The following SLTM variants were observed in gnomAD, a reference collection of about 807,000 sequenced individuals.
SLTM encodes SAFB-like transcription modulator.
Under a neutral mutation model 134.6 loss-of-function variants are expected in SLTM, and 43 were observed. That is an observed-to-expected ratio of 0.32 (90% CI 0.25 to 0.41). The LOEUF (loss-of-function observed/expected upper bound fraction) is 0.41, where lower values mean the gene tolerates loss of function less well. Ranked by LOEUF, SLTM falls within the 10% of genes least tolerant of loss-of-function variation. The pLI is 1.00. For synonymous variants in SLTM, 424 were observed against 432.3 expected (o/e 0.98, Z 0.24); for missense variants, 1,055 against 1,288.8 (o/e 0.82, Z 2.78).
intron 19 of SLTM, among the ~76,000 whole-genome samples, chr15:58,885,638 G>C (rs1248701247): frequency 6.6e-6 from 1 of 152,072 alleles, no homozygotes; most frequent in Non-Finnish European, 1.5e-5. Flanking sequence ...ACAAAAATTA[G>C]CCAGGCGTGG....
intron 2 of SLTM, among the ~76,000 whole-genome samples, chr15:58,919,455 C>G (rs933910358): frequency 2.0e-5 from 3 of 152,026 alleles, no homozygotes; most frequent in Admixed American, 2.0e-4. Flanking sequence ...TTAAACACAG[C>G]TGGGTGTCGC....
chr15:58,894,562 A>G lies in SLTM; in HGVS notation c.1248T>C (p.Val416=), dbSNP rs1297601347. The change falls in exon 10 of 21, where the codon GTT becomes GTC. Residue 416 remains valine, a synonymous_variant. Transcript: ENST00000380516. ...KYGKVLSAKV[V]TNARSPGAKC... is the part of the protein sequence containing the mutation. ...TTGCCCCAGGACTTCGAGCATTTGT[A>G]ACTACTTTTGCACTCAGAACCTATA... is the stretch of plus-strand genomic sequence containing the variant. 9.9e-6 allele frequency: 16 copies of G among 1,614,006 alleles called. No individual in the cohort carries two copies. The Admixed American group carries it at 2.7e-4, about 27-fold the overall frequency.
At chr15:58,915,605 A>C (rs2036579036) in intron 3 of SLTM, among the ~76,000 whole-genome samples, 1 of 152,222 alleles carries the variant, frequency 6.6e-6, no homozygotes, top group Admixed American at 6.5e-5. Context: ...GATTACAGGC[A>C]TGCAATCATC....
At chr15:58,915,296 CT>C (rs2036555231) in intron 3 of SLTM, among the ~76,000 whole-genome samples, 2 of 152,156 alleles carry the variant, frequency 1.3e-5, no homozygotes, top group African/African-American at 4.8e-5. Context: ...CAAAAGCATC[CT>C]TTGTGGCACA....
intron 2 of SLTM, among the ~76,000 whole-genome samples, chr15:58,920,722 G>A (rs1308225789): frequency 1.3e-5 from 2 of 150,926 alleles, no homozygotes; most frequent in Admixed American, 6.6e-5. Context: ...TTGGGAGGCA[G>A]AGGTGGGCAG....
Position 58,887,219 on chromosome 15 carries a change from C to A in SLTM, c.2690+7G>T. On this transcript the variant is annotated splice_region_variant and intron_variant, in intron 18 of 20. Transcript: ENST00000380516. ...CACTAGGAAAGCATTACATAGTACA[C>A]AGCTACCTTGTTTCCCGTTTGTCAG... 1 of 1,613,428 alleles carries A rather than the reference C, an allele frequency of 6.2e-7. No individual in the cohort carries two copies. Among genetic ancestry groups the A allele is most frequent in the Admixed American group, 1.7e-5 (1 of 59,976 alleles).
At position 58,883,623 on chromosome 15, in the gene SLTM, T is replaced by TAC; in HGVS notation, c.2996+1_2996+2dup. The TAC allele has an allele frequency of 6.2e-7, 1 of 1,613,962 alleles. No homozygotes were observed. The highest frequency in any genetic ancestry group is 8.5e-7 in the Non-Finnish European group (1 of 1,179,922). On this transcript the variant is annotated splice_region_variant and intron_variant, in intron 20 of 20. Coordinates refer to ENST00000380516, the MANE Select transcript of SLTM (RefSeq NM_024755.4). ...CTGGCAGAAAAACTGGTTAGTTATT[T>TAC]ACCTTGAATGTTGGGTTATCATGCC...
chr15:58,906,396 G>C (rs1184934232), intron 5 of SLTM, among the ~76,000 whole-genome samples: 1 of 152,108 alleles, frequency 6.6e-6, no homozygotes, highest in Non-Finnish European at 1.5e-5. Flanking sequence ...TCTTCACAGT[G>C]GGATGTGCAA....
chr15:58,930,164 G>C (rs1465693218), intron 2 of SLTM, among the ~76,000 whole-genome samples: 2 of 151,958 alleles, frequency 1.3e-5, no homozygotes, highest in Non-Finnish European at 2.9e-5. Context: ...GACTGCAGTG[G>C]AGTGACCTTA....
chr15:58,906,226 A>ATT (rs1223095821), intron 5 of SLTM, among the ~76,000 whole-genome samples: 2 of 152,120 alleles, frequency 1.3e-5, no homozygotes, highest in African/African-American at 4.8e-5. Context: ...CTGAAAACAG[A>ATT]TTTTTTTTCC....
intron 20 of SLTM, among the ~76,000 whole-genome samples, chr15:58,883,293 C>A (rs566649117): frequency 6.6e-6 from 1 of 152,248 alleles, no homozygotes; most frequent in Admixed American, 6.5e-5. Flanking sequence ...CCAGCATGGG[C>A]GACAGAGTGA....
intron 5 of SLTM, among the ~76,000 whole-genome samples, chr15:58,903,545 G>T (rs959235363): frequency 2.2e-5 from 3 of 133,804 alleles, no homozygotes; most frequent in African/African-American, 8.2e-5. Context: ...TGCATCTGAC[G>T]GGGAGGGGGG....
Position 58,913,559 on chromosome 15 carries a change from A to G in SLTM, c.453T>C (p.Ala151=). 1 of 1,613,250 alleles carries G rather than the reference A, an allele frequency of 6.2e-7. No homozygotes were observed. Among genetic ancestry groups the G allele is most frequent in the Non-Finnish European group, 8.5e-7 (1 of 1,179,830 alleles). ...ELLSAEENKR[A]HELIEAEGIE... ...TTCCTTCTGCCTCTATTAATTCATG[A>G]GCTCTCTTGTTTTCTTCTGCAGAGA... Residue 151 remains alanine (A), a synonymous_variant, in exon 4 of 21, where the codon GCT becomes GCC. Transcript: ENST00000380516.
At position 58,895,810 on chromosome 15, in the gene SLTM, A is replaced by C. The variant is rs144650105; in HGVS notation, c.1228-1228T>G. ...TCTCAGTGTTCTATTTCTGACACCT[A>C]CAAGAACCTCCTTTACACTCAGGCA... On this transcript the variant is annotated intron_variant, in intron 9 of 20. Coordinates refer to ENST00000380516, the MANE Select transcript of SLTM (RefSeq NM_024755.4). Among the ~76,000 whole-genome samples the C allele has an allele frequency of 5.7e-4, 87 of 152,320 alleles. 1 individual carries two copies. In the East Asian group the frequency reaches 0.016, roughly 29 times the overall value.
At chr15:58,904,921 A>G (rs2035766058) in intron 5 of SLTM, among the ~76,000 whole-genome samples, 1 of 151,992 alleles carries the variant, frequency 6.6e-6, no homozygotes, top group Non-Finnish European at 1.5e-5. Flanking sequence ...TTGTTGGCCA[A>G]GATGGTCTCT....
intron 2 of SLTM, chr15:58,921,506 C>T (rs2037043080): frequency 2.7e-6 from 1 of 369,220 alleles, no homozygotes; most frequent in Non-Finnish European, 5.7e-6. Context: ...TAAAAATGGT[C>T]TAACTTTGCT....
chr15:58,899,122 C>A lies in SLTM; in HGVS notation c.1059-270G>T, dbSNP rs1264870253. 4.8e-6 allele frequency: 2 copies of A among 415,784 alleles called. No individual in the cohort carries two copies. Among genetic ancestry groups the A allele is most frequent in the East Asian group, 4.3e-5 (1 of 23,376 alleles). 25.8% of individuals were successfully genotyped at this position (415,784 alleles called of 1,614,324 possible). On this transcript the variant is annotated intron_variant, in intron 7 of 20. Transcript: ENST00000380516. The surrounding 1 kb of genome is among the most constrained non-coding windows in gnomAD (Gnocchi z 5.0). Reference sequence around the variant, plus strand: ...AGATTTCAGGACTGGGACTTGACTTCATTTTGTGTTCTTAGAACTGATAGT... The same window carrying A: ...AGATTTCAGGACTGGGACTTGACTTAATTTTGTGTTCTTAGAACTGATAGT...
chr15:58,902,037 CTAAAAT>C lies in SLTM; in HGVS notation c.562-756_562-751del, dbSNP rs557798304. On this transcript the variant is annotated intron_variant, in intron 5 of 20. Transcript: ENST00000380516. ...AATTTTAACATATTTGACAGTTTGG[CTAAAAT>C]TAAAATTAAGAATGTGCTAGCTTAA... Among the ~76,000 whole-genome samples, 31 of 152,094 alleles carry C rather than the reference CTAAAAT, an allele frequency of 2.0e-4. 1 individual carries two copies. The South Asian group carries it at 5.4e-3, about 26-fold the overall frequency.
Position 58,899,767 on chromosome 15 carries a change from T to C in SLTM, c.760A>G (p.Thr254Ala). The C allele has an allele frequency of 6.2e-7, 1 of 1,614,122 alleles. No homozygotes were observed. The highest frequency in any genetic ancestry group is 8.5e-7 in the Non-Finnish European group (1 of 1,179,998). Residue 254 changes from threonine to alanine, a missense_variant, in exon 7 of 21, where the codon ACT (threonine) becomes GCT (alanine). Transcript: ENST00000380516. The surrounding 1 kb of genome is among the most constrained non-coding windows in gnomAD (Gnocchi z 5.0). ...AGGTCATCACCATCAAAATCCAGAGTGATGGCATCTTCAGCCTGGATTGTG... is the reference window on the plus strand; with the variant it reads ...AGGTCATCACCATCAAAATCCAGAGCGATGGCATCTTCAGCCTGGATTGTG... ...SVTIQAEDAI[T>A]LDFDGDDLLE...
Sources: allele counts gnomAD v4.1 joint callset (sites outside exome capture counted in the v4.1 genomes callset), GRCh38; gene constraint gnomAD v4.1.1; non-coding constraint Gnocchi (gnomAD v3.1); transcripts MANE v1.5; gene names NCBI Gene and HGNC (gene_info 2026-07-23, HGNC 2026-07-21).